Variants in ADGRA3 observed in about 807,000 individuals in gnomAD.
ADGRA3 encodes adhesion G protein-coupled receptor A3.
Under a neutral mutation model 119.8 loss-of-function variants are expected in ADGRA3, and 56 were observed. That is an observed-to-expected ratio of 0.47 (90% confidence interval 0.38 to 0.58). The LOEUF is 0.58. ADGRA3 is among the 20% of genes least tolerant of loss of function. The probability of loss-of-function intolerance (pLI) is 0.00; values close to 1 mark genes in which losing one functional copy is unlikely to be tolerated. For missense variants in ADGRA3, 1,516 were observed against 1,649.0 expected, an observed-to-expected ratio of 0.92 and a Z score of 1.40; for synonymous variants, 607 against 623.8, an observed-to-expected ratio of 0.97 and a Z score of 0.40.
chr4:22,452,669 T>C (rs971039158), intron 4 of ADGRA3, among the ~76,000 whole-genome samples: 1 of 152,084 alleles, frequency 6.6e-6, no homozygotes, highest in Admixed American at 6.6e-5. Flanking sequence ...ACTAAGAAAA[T>C]AGCAACCTGC....
chr4:22,448,826 T>G (rs1423527737), intron 4 of ADGRA3, among the ~76,000 whole-genome samples: 1 of 152,144 alleles, frequency 6.6e-6, no homozygotes, highest in Non-Finnish European at 1.5e-5. Context: ...ACCTAGGAAC[T>G]TAAACAGAAA....
chr4:22,455,761 T>G, intron 3 of ADGRA3: 1 of 1,233,976 alleles, frequency 8.1e-7, no homozygotes, highest in South Asian at 1.3e-5. Flanking sequence ...GGTTTAAAAG[T>G]AAAAACTTTA....
Position 22,402,780 on chromosome 4 carries a change from A to C in ADGRA3, c.2252T>G (p.Leu751Arg), listed in dbSNP as rs1714721785. Reference protein sequence around the residue: ...AVLMDLTGSELYTQAASLLHP... With the variant: ...AVLMDLTGSERYTQAASLLHP... The stretch of plus-strand genomic sequence containing the variant: ...CAGGAGGCTGGCCGCCTGGGTGTAT[A>C]GTTCAGATCCCGTCAAATCCTGAGG... The change falls in exon 15 of 19, where the codon CTA becomes CGA. Residue 751 changes from leucine to arginine, a missense_variant. Physicochemically the swap from Leu to Arg is moderately radical, Grantham distance 102. Coordinates refer to ENST00000334304, the MANE Select transcript of ADGRA3 (RefSeq NM_145290.4). 1.9e-6 allele frequency: 3 copies of C among 1,612,542 alleles called. No individual in the cohort carries two copies. The highest frequency in any genetic ancestry group is 2.5e-6 in the Non-Finnish European group (3 of 1,179,504).
chr4:22,401,299 TGACA>T (rs3830186), intron 16 of ADGRA3, 128 bp downstream of exon 16: 21,437 of 763,498 alleles, frequency 0.028, 403 homozygotes, highest in Middle Eastern at 0.11. Context: ...ATTGTTTAAG[TGACA>T]GACAATAAAT....
At chr4:22,448,162 C>T (rs1716896679) in intron 4 of ADGRA3, among the ~76,000 whole-genome samples, 1 of 152,120 alleles carries the variant, frequency 6.6e-6, no homozygotes, top group Admixed American at 6.5e-5. Context: ...TTGTTACACC[C>T]AAAACGATTT....
At chr4:22,424,161 C>T (rs1466563506) in intron 11 of ADGRA3, 30 bp downstream of exon 11, 2 of 1,568,844 alleles carry the variant, frequency 1.3e-6, no homozygotes, top group Admixed American at 3.5e-5. Flanking sequence ...CACTTTTTTT[C>T]TCAGGAGTCT....
intron 14 of ADGRA3, among the ~76,000 whole-genome samples, chr4:22,408,076 C>T (rs943886580): frequency 1.3e-5 from 2 of 152,144 alleles, no homozygotes; most frequent in African/African-American, 4.8e-5. Context: ...TTCTATGTTG[C>T]TTTTTCCCCA....
At chr4:22,482,923 C>A (rs954720575) in intron 1 of ADGRA3, among the ~76,000 whole-genome samples, 1 of 152,196 alleles carries the variant, frequency 6.6e-6, no homozygotes, top group Non-Finnish European at 1.5e-5. Flanking sequence ...TCTAGAGGAT[C>A]TGCCTCCGTC....
chr4:22,413,195 T>C lies in ADGRA3; in HGVS notation c.2219A>G (p.Tyr740Cys), dbSNP rs1204613361. ...TTIQCYSLSN[Y>C]AVLMDLTGSE... ...CAACTGCCATACCATTAAAACTGCATAGTTACTAAGGGAGTAGCACTGAAT... is the reference window on the plus strand; with the variant it reads ...CAACTGCCATACCATTAAAACTGCACAGTTACTAAGGGAGTAGCACTGAAT... The change falls in exon 14 of 19, where the codon TAT becomes TGT. Residue 740 changes from tyrosine (Y) to cysteine (C), a missense_variant. Around this residue, in one of 2 missense-constraint regions of ADGRA3, gnomAD observed 1,088 missense variants for 1,107.1 expected, o/e 0.98. Transcript: ENST00000334304. 1 of 1,612,444 alleles carries C rather than the reference T, an allele frequency of 6.2e-7. No individual in the cohort carries two copies. Among genetic ancestry groups the C allele is most frequent in the South Asian group, 1.1e-5 (1 of 91,026 alleles).
chr4:22,410,206 T>C (rs1362790588), intron 14 of ADGRA3, among the ~76,000 whole-genome samples: 3 of 152,182 alleles, frequency 2.0e-5, no homozygotes, highest in Non-Finnish European at 4.4e-5. Flanking sequence ...TCAATGTATA[T>C]AAATTAGCTT....
chr4:22,420,767 T>C (rs893900986), intron 12 of ADGRA3, 119 bp downstream of exon 12: 1 of 938,372 alleles, frequency 1.1e-6, no homozygotes, highest in Non-Finnish European at 1.7e-6. Flanking sequence ...GCAAAAGCAA[T>C]AATACCTATC....
chr4:22,438,252 T>C lies in ADGRA3; in HGVS notation c.1085+4A>G, dbSNP rs1716473228. 6.2e-7 allele frequency: 1 copy of C among 1,608,832 alleles called. No individual in the cohort carries two copies. ...CTTTTCCCCGTATTTTCCACAACAC[T>C]GACCTGAAGTCACCTTTGTTGTTTA... On this transcript the variant is annotated splice_donor_region_variant and intron_variant, in intron 8 of 18. Coordinates refer to ENST00000334304, the MANE Select transcript of ADGRA3 (RefSeq NM_145290.4).
chr4:22,396,595 T>C (rs1254780987), intron 16 of ADGRA3, among the ~76,000 whole-genome samples: 1 of 152,172 alleles, frequency 6.6e-6, no homozygotes, highest in African/African-American at 2.4e-5. Context: ...ACTAGTCCTT[T>C]TTGCATTCTA....
chr4:22,463,129 C>T (rs946831136), intron 2 of ADGRA3, among the ~76,000 whole-genome samples: 4 of 152,210 alleles, frequency 2.6e-5, no homozygotes, highest in South Asian at 2.1e-4. Flanking sequence ...AGAACTGAAA[C>T]GCTTTTCAGT....
intron 11 of ADGRA3, among the ~76,000 whole-genome samples, chr4:22,422,634 T>C (rs1007698736): frequency 2.0e-5 from 3 of 152,170 alleles, no homozygotes; most frequent in East Asian, 1.9e-4. Context: ...TTACTTATTA[T>C]ACATAGATGT....
chr4:22,474,113 T>G (rs2109121949), intron 1 of ADGRA3, among the ~76,000 whole-genome samples: 1 of 152,332 alleles, frequency 6.6e-6, no homozygotes, highest in Middle Eastern at 3.4e-3. Context: ...GTAATAGCTC[T>G]AAGTTCAACA....
chr4:22,431,956 T>A (rs1029530247), intron 10 of ADGRA3, among the ~76,000 whole-genome samples: 7 of 152,108 alleles, frequency 4.6e-5, no homozygotes, highest in Admixed American at 4.6e-4. Flanking sequence ...TTTGGTTTCA[T>A]TACATATCAT....
In ADGRA3 at chr4:22,387,765, G is replaced by C. The variant is rs771645223; in HGVS notation, c.3906C>G (p.Leu1302=). Residue 1302 remains leucine, a synonymous_variant, in exon 19 of 19, where the codon CTC becomes CTG. Coordinates refer to ENST00000334304, the MANE Select transcript of ADGRA3 (RefSeq NM_145290.4). The part of the protein sequence containing the change: ...IKSNGQEGPL[L]GTDSTGNVRT... ...TAACATTGCCAGTGCTATCGGTACC[G>C]AGCAAGGGTCCCTCCTGCCCATTGC... The C allele has an allele frequency of 1.2e-6, 2 of 1,614,066 alleles. No homozygotes were observed. The highest frequency in any genetic ancestry group is 1.7e-6 in the Non-Finnish European group (2 of 1,179,956).
chr4:22,389,063 T>C (rs777174009), intron 18 of ADGRA3, 25 bp downstream of exon 18: 1 of 1,605,786 alleles, frequency 6.2e-7, no homozygotes, highest in South Asian at 1.1e-5. Context: ...CTGGGTCAAG[T>C]ACACAGAGAA....
Sources: allele counts gnomAD v4.1 joint callset (sites outside exome capture counted in the v4.1 genomes callset), GRCh38; gene constraint gnomAD v4.1.1; regional missense constraint gnomAD v4.1.1; transcripts MANE v1.5; gene names NCBI Gene and HGNC (gene_info 2026-07-23, HGNC 2026-07-21).